The following ZCCHC8 variants were observed in gnomAD, a reference collection of about 807,000 sequenced individuals.
ZCCHC8 encodes zinc finger CCHC domain-containing protein 8.
ZCCHC8 carries 27 observed loss-of-function variants against 70.6 expected under a neutral mutation model. The ratio of observed to expected loss-of-function variants is 0.38; its 90% CI spans 0.28 to 0.53. ZCCHC8 has a LOEUF of 0.53. ZCCHC8 is among the 20% of genes least tolerant of loss of function. The pLI is 0.81. For missense variants in ZCCHC8, 737 were observed against 876.9 expected, an observed-to-expected ratio of 0.84 and a Z score of 2.01; for synonymous variants, 293 against 317.4, an observed-to-expected ratio of 0.92 and a Z score of 0.82.
chr12:122,498,453 A>T (rs1385358090), intron 2 of ZCCHC8, among the ~76,000 whole-genome samples: 1 of 151,440 alleles, frequency 6.6e-6, no homozygotes, highest in Non-Finnish European at 1.5e-5. Flanking sequence ...TTTTTTTTTT[A>T]GGTGCTGGAA....
rs749717942 is a variant in ZCCHC8 at position 122,500,783 on chromosome 12, C to T, written c.58G>A (p.Glu20Lys). The T allele has an allele frequency of 1.4e-5, 23 of 1,590,328 alleles. No individual in the cohort carries two copies. The Admixed American group carries it at 3.4e-4, about 23-fold the overall frequency. ...LELFEPFDHP[E>K]ESIPKPVHTR... ...TGAACGGGCTTCGGAATCGACTCCT[C>T]TGGGTGGTCGAACGGCTCGAAGAGC... The change falls in exon 1 of 14, where the codon GAG becomes AAG. Residue 20 changes from glutamate (E) to lysine (K), a missense_variant. Coordinates refer to ENST00000633063, the MANE Select transcript of ZCCHC8 (RefSeq NM_017612.5). The surrounding 1 kb of genome is among the most constrained non-coding windows in gnomAD (Gnocchi z 4.8).
At chr12:122,485,284 T>C (rs1772636910) in intron 5 of ZCCHC8, among the ~76,000 whole-genome samples, 1 of 152,088 alleles carries the variant, frequency 6.6e-6, no homozygotes, top group South Asian at 2.1e-4. Context: ...CCGGCTAATT[T>C]TGTATTTTTA....
intron 1 of ZCCHC8, chr12:122,499,347 C>T: frequency 6.4e-6 from 1 of 155,408 alleles, no homozygotes; most frequent in African/African-American, 2.4e-5. Context: ...TGGCTCACTG[C>T]AACCTCCGCC....
rs1054104784 is a variant in ZCCHC8 at position 122,500,206 on chromosome 12, T to G, written c.199+436A>C. 4.7e-5 allele frequency: 8 copies of G among 171,608 alleles called. No individual in the cohort carries two copies. The highest frequency in any genetic ancestry group is 7.2e-5 in the African/African-American group (3 of 41,646). 10.6% of individuals were successfully genotyped at this position (171,608 alleles called of 1,614,324 possible). A position where few individuals can be genotyped will look rare whatever the true frequency, so the allele number is the denominator to read the frequency against. The stretch of plus-strand genomic sequence containing the variant: ...GGGACCACTAGCGTTTGCCCCGGTA[T>G]AAAAACCGATCCCGCGTCTAAGCAG... On this transcript the variant is annotated intron_variant, in intron 1 of 13. Transcript: ENST00000633063. The surrounding 1 kb of genome is among the most constrained non-coding windows in gnomAD (Gnocchi z 4.8).
In ZCCHC8 at chr12:122,472,625, A is replaced by G. The variant is rs1266423061; in HGVS notation, c.*872T>C. On this transcript the variant is annotated 3_prime_UTR_variant, in exon 14 of 14. Coordinates refer to ENST00000633063, the MANE Select transcript of ZCCHC8 (RefSeq NM_017612.5). Reference sequence around the variant, plus strand: ...GATCACCTGAAGTCAGGAGGTCAAGACCAGCCTGACCCGACGTGGAGAAAC... The same window carrying G: ...GATCACCTGAAGTCAGGAGGTCAAGGCCAGCCTGACCCGACGTGGAGAAAC... 6.6e-6 allele frequency: 1 copy of G among 152,122 alleles called. No individual in the cohort carries two copies. The allele number at this position is 152,122 out of a possible 1,614,324, so 9.4% of individuals were successfully genotyped here.
At chr12:122,493,871 C>T (rs1957785576) in intron 2 of ZCCHC8, among the ~76,000 whole-genome samples, 1 of 152,150 alleles carries the variant, frequency 6.6e-6, no homozygotes, top group South Asian at 2.1e-4. Flanking sequence ...CCTCGGCCTC[C>T]CAAAGTGCTG....
Position 122,478,312 on chromosome 12 carries a change from G to GAA in ZCCHC8, c.1141-22_1141-21dup, listed in dbSNP as rs750905722. On this transcript the variant is annotated intron_variant, in intron 11 of 13. Coordinates refer to ENST00000633063, the MANE Select transcript of ZCCHC8 (RefSeq NM_017612.5). The stretch of plus-strand genomic sequence containing the variant: ...CCATTCCTAATGATGAAAAGAGAAG[G>GAA]AAAAAAAAAACACATGTATTTGGAA... 41 of 1,371,640 alleles carry GAA rather than the reference G, an allele frequency of 3.0e-5. No homozygotes were observed. Among genetic ancestry groups the GAA allele is most frequent in the South Asian group, 4.3e-5 (3 of 70,284 alleles). The allele number at this position is 1,371,640 out of a possible 1,614,324, so 85.0% of individuals were successfully genotyped here.
At chr12:122,484,439 G>A (rs910130886) in intron 5 of ZCCHC8, among the ~76,000 whole-genome samples, 12 of 148,942 alleles carry the variant, frequency 8.1e-5, no homozygotes, top group Admixed American at 6.7e-4. Context: ...TTGAGGCAGG[G>A]TCTTGCTCTG....
intron 11 of ZCCHC8, 124 bp from the exon 12 acceptor site, chr12:122,478,416 T>C: frequency 1.4e-6 from 1 of 689,792 alleles, no homozygotes. Flanking sequence ...ATGTTACTTT[T>C]CCTTTATTGG....
intron 1 of ZCCHC8, chr12:122,499,222 T>C (rs1957876356): frequency 3.7e-6 from 1 of 271,044 alleles, no homozygotes; most frequent in Non-Finnish European, 7.1e-6. Flanking sequence ...TTAACAACTT[T>C]AGAATTTGGA....
At chr12:122,495,246 T>C (rs756370223) in intron 2 of ZCCHC8, among the ~76,000 whole-genome samples, 1 of 152,162 alleles carries the variant, frequency 6.6e-6, no homozygotes, top group East Asian at 1.9e-4. Flanking sequence ...TCCTAGCACC[T>C]TGGGAGGCTG....
intron 3 of ZCCHC8, 52 bp downstream of exon 3, chr12:122,492,663 A>T: frequency 8.5e-7 from 1 of 1,175,180 alleles, no homozygotes. Flanking sequence ...TTATAGAGAA[A>T]ATTGTTCCAT....
In ZCCHC8 at chr12:122,472,104, T is replaced by C. The variant is rs899358379; in HGVS notation, c.*1393A>G. ...TTCAAAATAATTACTTTTCAAAAATTCTGCTGTTTCTATATTTAAGGCTGA... is the reference window on the plus strand; with the variant it reads ...TTCAAAATAATTACTTTTCAAAAATCCTGCTGTTTCTATATTTAAGGCTGA... On this transcript the variant is annotated 3_prime_UTR_variant, in exon 14 of 14. Coordinates refer to ENST00000633063, the MANE Select transcript of ZCCHC8 (RefSeq NM_017612.5). 1 of 152,174 alleles carries C rather than the reference T, an allele frequency of 6.6e-6. No homozygotes were observed. Among genetic ancestry groups the C allele is most frequent in the Non-Finnish European group, 1.5e-5 (1 of 68,034 alleles). 9.4% of individuals were successfully genotyped at this position (152,174 alleles called of 1,614,324 possible). A position where few individuals can be genotyped will look rare whatever the true frequency, so the allele number is the denominator to read the frequency against.
intron 2 of ZCCHC8, among the ~76,000 whole-genome samples, chr12:122,494,959 G>A (rs1957804568): frequency 6.6e-6 from 1 of 152,156 alleles, no homozygotes; most frequent in Non-Finnish European, 1.5e-5. Context: ...ATTTGAATAT[G>A]GAGTTGGTAG....
chr12:122,482,167 TA>T, intron 8 of ZCCHC8, 80 bp from the exon 9 acceptor site: 4 of 1,408,388 alleles, frequency 2.8e-6, no homozygotes. Flanking sequence ...TACTTTTTTT[TA>T]GATCAAGTAA....
Position 122,473,773 on chromosome 12 carries a change from C to T in ZCCHC8, c.1848G>A (p.Pro616=), listed in dbSNP as rs532006067. Residue 616 remains proline, a synonymous_variant, in exon 14 of 14, where the codon CCG becomes CCA. Coordinates refer to ENST00000633063, the MANE Select transcript of ZCCHC8 (RefSeq NM_017612.5). ...CAAGAAGGGCACCTTCAGTGTTTAC[C>T]GGAGCCAACTCTGCTTTTTCCTTCT... ...LCQKEKAELA[P]VNTEGALLDN... is the part of the protein sequence containing the mutation. 26 of 1,613,148 alleles carry T rather than the reference C, an allele frequency of 1.6e-5. No homozygotes were observed. In the African/African-American group the frequency reaches 2.8e-4, roughly 17 times the overall value.
intron 13 of ZCCHC8, among the ~76,000 whole-genome samples, chr12:122,475,973 C>T (rs780623375): frequency 6.4e-4 from 98 of 152,198 alleles, no homozygotes; most frequent in Non-Finnish European, 1.3e-3. Flanking sequence ...TCCTCATTTC[C>T]TTGGTAAATC....
At chr12:122,492,597 G>C (rs949088491) in intron 3 of ZCCHC8, 118 bp downstream of exon 3, 10 of 713,244 alleles carry the variant, frequency 1.4e-5, no homozygotes, top group Admixed American at 5.9e-5. Flanking sequence ...TTTAACTCCA[G>C]GGGCATTTTA....
chr12:122,495,847 C>CAAAAA (rs538311699), intron 2 of ZCCHC8, among the ~76,000 whole-genome samples: 28 of 78,316 alleles, frequency 3.6e-4, no homozygotes, highest in Non-Finnish European at 5.2e-4. Context: ...CACTCTGTCT[C>CAAAAA]AAAAAAAAAA....
Sources: gnomAD v4.1 joint callset for allele counts (sites outside exome capture counted in the v4.1 genomes callset) on GRCh38, gnomAD v4.1.1 for gene constraint, Gnocchi (gnomAD v3.1) non-coding constraint, MANE v1.5 for transcripts, NCBI Gene and HGNC (gene_info 2026-07-23, HGNC 2026-07-21) for gene names.